Variants in DTNA observed in about 807,000 individuals in gnomAD.
DTNA encodes dystrophin-related protein 3.
DTNA carries 43 observed loss-of-function variants against 100.7 expected under a neutral mutation model. The ratio of observed to expected loss-of-function variants is 0.43; its 90% CI spans 0.33 to 0.55. The LOEUF (loss-of-function observed/expected upper bound fraction) is 0.55. Ranked by LOEUF, DTNA falls within the 20% of genes least tolerant of loss-of-function variation. DTNA has a pLI of 0.04. For missense variants in DTNA, 798 were observed against 953.9 expected, an observed-to-expected ratio of 0.84 and a Z score of 2.15; for synonymous variants, 349 against 347.9, an observed-to-expected ratio of 1.00 and a Z score of -0.04.
rs1386385522 is a variant in DTNA at position 34,684,829 on chromosome 18, T to C, written c.-1-71147T>C. 3.3e-5 allele frequency among the ~76,000 whole-genome samples: 5 copies of C among 152,336 alleles called. No individual in the cohort carries two copies. In the East Asian group the frequency reaches 7.7e-4, roughly 23 times the overall value. On this transcript the variant is annotated intron_variant, in intron 1 of 19. Coordinates refer to the DTNA transcript ENST00000283365. ...CATCGGTTGTTTCCTGACTTTTCAATGATCGCCGTTCTAACTGGCATGAGA... is the reference window on the plus strand; with the variant it reads ...CATCGGTTGTTTCCTGACTTTTCAACGATCGCCGTTCTAACTGGCATGAGA...
intron 1 of DTNA, among the ~76,000 whole-genome samples, chr18:34,566,169 T>A (rs751352629): frequency 6.6e-6 from 1 of 151,888 alleles, no homozygotes; most frequent in Non-Finnish European, 1.5e-5. Context: ...AATGACCAAG[T>A]AATGTCCATC....
At chr18:34,750,435 T>G (rs567836965) in intron 1 of DTNA, among the ~76,000 whole-genome samples, 1 of 152,336 alleles carries the variant, frequency 6.6e-6, no homozygotes, top group Non-Finnish European at 1.5e-5. Flanking sequence ...TCTTTTGGCC[T>G]GTTAATCGCC....
At chr18:34,728,624 T>C (rs2087319920) in intron 1 of DTNA, among the ~76,000 whole-genome samples, 1 of 152,172 alleles carries the variant, frequency 6.6e-6, no homozygotes, top group Non-Finnish European at 1.5e-5. Flanking sequence ...TTGGGTACAG[T>C]TGGCTGCAGA....
chr18:34,555,477 A>G (rs1360433198), intron 1 of DTNA, among the ~76,000 whole-genome samples: 1 of 151,536 alleles, frequency 6.6e-6, no homozygotes, highest in East Asian at 1.9e-4. Context: ...TAGGGTGTCA[A>G]TTTTGGATCT....
At chr18:34,524,512 C>T (rs1431340242) in intron 1 of DTNA, among the ~76,000 whole-genome samples, 1 of 152,116 alleles carries the variant, frequency 6.6e-6, no homozygotes, top group Admixed American at 6.6e-5. Flanking sequence ...AAACCACTCT[C>T]CTCATGAAAC....
chr18:34,684,844 C>G (rs2078647425), intron 1 of DTNA, among the ~76,000 whole-genome samples: 1 of 152,186 alleles, frequency 6.6e-6, no homozygotes, highest in Non-Finnish European at 1.5e-5. Flanking sequence ...GCCGTTCTAA[C>G]TGGCATGAGA....
intron 1 of DTNA, among the ~76,000 whole-genome samples, chr18:34,593,689 G>A (rs2050001794): frequency 6.6e-6 from 1 of 152,200 alleles, no homozygotes; most frequent in Non-Finnish European, 1.5e-5. Flanking sequence ...TTTACATTTT[G>A]TGCAGCAGAA....
chr18:34,863,247 A>G (rs950744115), intron 16 of DTNA, among the ~76,000 whole-genome samples: 4 of 152,216 alleles, frequency 2.6e-5, no homozygotes, highest in Non-Finnish European at 5.9e-5. Flanking sequence ...TCTTAGTGTC[A>G]ACATAAATGA....
chr18:34,876,207 A>G (rs1438839236), intron 18 of DTNA, among the ~76,000 whole-genome samples: 1 of 152,190 alleles, frequency 6.6e-6, no homozygotes, highest in Non-Finnish European at 1.5e-5. Flanking sequence ...AGGATCATGC[A>G]TTGCATTTTG....
In DTNA at chr18:34,812,182, C is replaced by T. The variant is rs921885753; in HGVS notation, c.603+69C>T. 6 of 1,600,690 alleles carry T rather than the reference C, an allele frequency of 3.7e-6. No individual in the cohort carries two copies. In the African/African-American group the frequency reaches 8.0e-5, roughly 21 times the overall value. On this transcript the variant is annotated intron_variant, in intron 6 of 22. Transcript: ENST00000444659. ...GGTTGCTCTCCTTCTAGATGTCATT[C>T]CAGGTCACAGATACTCAGACAAATT...
intron 1 of DTNA, among the ~76,000 whole-genome samples, chr18:34,748,696 T>A (rs749283310): frequency 2.0e-5 from 3 of 152,236 alleles, no homozygotes; most frequent in Non-Finnish European, 4.4e-5. Context: ...ATATACTGTT[T>A]TGGTAATGAT....
chr18:34,608,527 T>A (rs1378207961), intron 1 of DTNA, among the ~76,000 whole-genome samples: 1 of 149,554 alleles, frequency 6.7e-6, no homozygotes, highest in Non-Finnish European at 1.5e-5. Flanking sequence ...TTTTTTTTTT[T>A]ATGGATTCAG....
chr18:34,513,566 A>G (rs959813464), intron 1 of DTNA: 2 of 152,112 alleles, frequency 1.3e-5, no homozygotes, highest in Non-Finnish European at 2.9e-5. Context: ...AGGTGACCCA[A>G]TGTGAGACTG....
chr18:34,512,380 G>C (rs905420696), intron 1 of DTNA, among the ~76,000 whole-genome samples: 2 of 151,950 alleles, frequency 1.3e-5, no homozygotes, highest in African/African-American at 4.8e-5. Context: ...ATTTCTGGCT[G>C]TTTTCCTCAG....
intron 1 of DTNA, among the ~76,000 whole-genome samples, chr18:34,746,427 A>G (rs1255445295): frequency 1.3e-5 from 2 of 152,260 alleles, no homozygotes; most frequent in East Asian, 3.9e-4. Flanking sequence ...TCTCTCTCCA[A>G]TGTGAGGCTC....
chr18:34,681,254 T>C (rs1474392295), intron 1 of DTNA, among the ~76,000 whole-genome samples: 1 of 152,134 alleles, frequency 6.6e-6, no homozygotes, highest in Non-Finnish European at 1.5e-5. Flanking sequence ...TGGAAGAAAA[T>C]GAACATGGAT....
chr18:34,553,695 T>A (rs1022818427), intron 1 of DTNA, among the ~76,000 whole-genome samples: 79 of 150,666 alleles, frequency 5.2e-4, no homozygotes, highest in African/African-American at 1.4e-3. Context: ...GTTGTAGATA[T>A]GCGGCGTTAT....
intron 1 of DTNA, among the ~76,000 whole-genome samples, chr18:34,497,421 A>G (rs1286096909): frequency 6.6e-6 from 1 of 152,234 alleles, no homozygotes; most frequent in Non-Finnish European, 1.5e-5. Context: ...TATAAATTAA[A>G]TGACGTACTC....
intron 1 of DTNA, among the ~76,000 whole-genome samples, chr18:34,590,983 A>G (rs2049661005): frequency 6.6e-6 from 1 of 152,218 alleles, no homozygotes; most frequent in Non-Finnish European, 1.5e-5. Context: ...CAGCAGAGAT[A>G]AAGTTGGGAA....
Sources: gnomAD v4.1 joint callset for allele counts (sites outside exome capture counted in the v4.1 genomes callset) on GRCh38, gnomAD v4.1.1 for gene constraint, MANE v1.5 for transcripts, NCBI Gene and HGNC (gene_info 2026-07-23, HGNC 2026-07-21) for gene names.